LIG3: variants seen among roughly 807,000 people sequenced by gnomAD.
The protein encoded by LIG3 is ligase II, DNA, ATP-dependent.
In LIG3, 58 loss-of-function variants were observed where a neutral mutation model predicts 110.9. That is an observed-to-expected ratio of 0.52 (90% confidence interval 0.42 to 0.65). The LOEUF is 0.65. Ranked by LOEUF, LIG3 falls within the 30% of genes least tolerant of loss-of-function variation. LIG3 has a pLI of 0.00. For missense variants in LIG3, 1,094 were observed against 1,273.8 expected, an observed-to-expected ratio of 0.86 and a Z score of 2.15; for synonymous variants, 422 against 472.8, an observed-to-expected ratio of 0.89 and a Z score of 1.39.
At chr17:34,990,272 AGTTT>A (rs748584668) in intron 4 of LIG3, among the ~76,000 whole-genome samples, 71 of 152,144 alleles carry the variant, frequency 4.7e-4, no homozygotes, top group South Asian at 1.0e-3. Flanking sequence ...TGCTTCTTTG[AGTTT>A]GTTTGTTTGT....
intron 8 of LIG3, among the ~76,000 whole-genome samples, chr17:34,993,135 C>T (rs756512380): frequency 6.6e-5 from 10 of 152,102 alleles, no homozygotes; most frequent in Non-Finnish European, 1.2e-4. Flanking sequence ...GACAGGGTGA[C>T]TTGGGAAGAG....
intron 3 of LIG3, among the ~76,000 whole-genome samples, chr17:34,988,278 T>G (rs2090680903): frequency 6.6e-6 from 1 of 151,384 alleles, no homozygotes; most frequent in Non-Finnish European, 1.5e-5. Context: ...GTCCAGGTGA[T>G]GATAAGGACA....
Position 35,002,732 on chromosome 17 carries a change from TC to T in LIG3, c.2741del (p.Pro914GlnfsTer2). 1 of 1,613,030 alleles carries T rather than the reference TC, an allele frequency of 6.2e-7. No homozygotes were observed. Among genetic ancestry groups the T allele is most frequent in the Non-Finnish European group, 8.5e-7 (1 of 1,179,546 alleles). On this transcript the variant is annotated frameshift_variant, in exon 19 of 20. Transcript: ENST00000378526. LOFTEE classifies it high-confidence loss of function. ...GGGAGAAGCTGGCCACAAAGTCTTC[TC>T]CAGTGAAAGTAGGGGAGAAGCGGAA... is the stretch of plus-strand genomic sequence containing the variant. ...VGEKLATKSS[P>X]VKVGEKRKAA... is the part of the protein sequence containing the mutation.
At chr17:34,998,156 C>T (rs746487425) in intron 12 of LIG3, 63 bp from the exon 13 acceptor site, 2 of 1,249,484 alleles carry the variant, frequency 1.6e-6, no homozygotes, top group Admixed American at 1.9e-5. Context: ...AAAGGAACAA[C>T]CCCCACTCAC....
rs1946613516 is a variant in LIG3 at position 35,008,485 on chromosome 17, G to C, written c.*3979G>C. The C allele has an allele frequency of 6.6e-6, 1 of 151,640 alleles. No individual in the cohort carries two copies. The highest frequency in any genetic ancestry group is 1.5e-5 in the Non-Finnish European group (1 of 67,916). The allele number at this position is 151,640 out of a possible 1,614,324, so 9.4% of individuals were successfully genotyped here. ...GTCTCACTCTGTCACCCTGGCTGGAGTGCGGTGGCGATCAGAGCTCACTGC... is the reference window on the plus strand; with the variant it reads ...GTCTCACTCTGTCACCCTGGCTGGACTGCGGTGGCGATCAGAGCTCACTGC... On this transcript the variant is annotated 3_prime_UTR_variant, in exon 20 of 20. Coordinates refer to ENST00000378526, the MANE Select transcript of LIG3 (RefSeq NM_013975.4).
At chr17:34,996,729 C>CT in intron 11 of LIG3, 76 bp downstream of exon 11, 2 of 1,295,392 alleles carry the variant, frequency 1.5e-6, no homozygotes, top group East Asian at 4.6e-5. Context: ...AAGATGGGGG[C>CT]TTCAGGTTGG....
intron 2 of LIG3, among the ~76,000 whole-genome samples, chr17:34,984,533 C>T (rs1285870814): frequency 6.6e-6 from 1 of 152,108 alleles, no homozygotes; most frequent in African/African-American, 2.4e-5. Context: ...TGTATCCTTC[C>T]CCAGCCCTGA....
At chr17:35,004,086 G>A (rs931376775) in intron 19 of LIG3, 187 bp from the exon 20 acceptor site, 13 of 586,534 alleles carry the variant, frequency 2.2e-5, no homozygotes, top group Non-Finnish European at 3.4e-5. Flanking sequence ...GGGATGGAGG[G>A]GCGTGTCAGT....
chr17:34,996,446 GC>G lies in LIG3; in HGVS notation c.1744-127del. The G allele has an allele frequency of 5.8e-6, 5 of 854,924 alleles. No homozygotes were observed. In the Middle Eastern group the frequency reaches 9.5e-4, roughly 163 times the overall value. The allele number at this position is 854,924 out of a possible 1,614,324, so 53.0% of individuals were successfully genotyped here. On this transcript the variant is annotated intron_variant, in intron 10 of 19. Coordinates refer to ENST00000378526, the MANE Select transcript of LIG3 (RefSeq NM_013975.4). ...TGCTCAGTGCCCTTATGGCCCAGGGGCTTCAGAGCAGAAATAGTACTTTTTC... is the reference window on the plus strand; with the variant it reads ...TGCTCAGTGCCCTTATGGCCCAGGGGTTCAGAGCAGAAATAGTACTTTTTC...
intron 19 of LIG3, 199 bp downstream of exon 19, chr17:35,002,988 C>CTTGCAGAGG (rs1396089038): frequency 6.2e-7 from 1 of 1,614,162 alleles, no homozygotes; most frequent in Non-Finnish European, 8.5e-7. Context: ...CTCTTGTTGC[C>CTTGCAGAGG]TTGCAGAGGC....
rs1222403265 is a variant in LIG3 at position 35,007,810 on chromosome 17, C to T, written c.*3304C>T. On this transcript the variant is annotated 3_prime_UTR_variant, in exon 20 of 20. Transcript: ENST00000378526. Reference sequence around the variant, plus strand: ...GCAGTGGTGCAATCTCAGCTCACTGCAACCTCTGCTTCCCGGGTTCACAAG... The same window carrying T: ...GCAGTGGTGCAATCTCAGCTCACTGTAACCTCTGCTTCCCGGGTTCACAAG... 2 of 151,898 alleles carry T rather than the reference C, an allele frequency of 1.3e-5. No homozygotes were observed. Among genetic ancestry groups the T allele is most frequent in the Admixed American group, 1.3e-4 (2 of 15,230 alleles). The allele number at this position is 151,898 out of a possible 1,614,324, so 9.4% of individuals were successfully genotyped here.
In LIG3 at chr17:34,983,060, A is replaced by G. The variant is rs1182851120; in HGVS notation, c.55A>G (p.Lys19Glu). The change falls in exon 2 of 20, where the codon AAA (lysine) becomes GAA (glutamate). Residue 19 changes from lysine to glutamate, a missense_variant. Transcript: ENST00000378526. ...ACAAACCCTCCGTGCACTCAGCCGA[A>G]AAGAACTGTGCCTATTCCGAAAACA... ...FPQTLRALSRKELCLFRKHHW... is the reference protein window; with the variant it reads ...FPQTLRALSREELCLFRKHHW... 2 of 1,613,008 alleles carry G rather than the reference A, an allele frequency of 1.2e-6. No homozygotes were observed. The highest frequency in any genetic ancestry group is 1.7e-6 in the Non-Finnish European group (2 of 1,179,412).
chr17:34,998,496 C>A, intron 13 of LIG3, 108 bp from the exon 14 acceptor site: 2 of 1,415,914 alleles, frequency 1.4e-6, no homozygotes, highest in Non-Finnish European at 2.0e-6. Flanking sequence ...GGGCTCTTAC[C>A]CTGAGGGAGG....
At chr17:34,995,786 C>G (rs1452247508) in intron 9 of LIG3, among the ~76,000 whole-genome samples, 2 of 152,254 alleles carry the variant, frequency 1.3e-5, no homozygotes. Context: ...TAATCTGTTT[C>G]TTCCATTTTC....
Position 35,002,690 on chromosome 17 carries a change from T to A in LIG3, c.2697T>A (p.Pro899=). 6.2e-7 allele frequency: 1 copy of A among 1,613,628 alleles called. No homozygotes were observed. Among genetic ancestry groups the A allele is most frequent in the Non-Finnish European group, 8.5e-7 (1 of 1,179,862 alleles). ...SKDGNMQTAK[P]SAMKVGEKLA... is the part of the protein sequence containing the mutation. Reference sequence around the variant, plus strand: ...CAGGCAACATGCAGACTGCAAAGCCTTCCGCTATGAAGGTGGGGGAGAAGC... The same window carrying A: ...CAGGCAACATGCAGACTGCAAAGCCATCCGCTATGAAGGTGGGGGAGAAGC... Residue 899 remains proline (P), a synonymous_variant, in exon 19 of 20, where the codon CCT becomes CCA. Coordinates refer to ENST00000378526, the MANE Select transcript of LIG3 (RefSeq NM_013975.4).
chr17:34,989,185 T>A (rs1273218539), intron 3 of LIG3, among the ~76,000 whole-genome samples: 1 of 152,120 alleles, frequency 6.6e-6, no homozygotes, highest in Non-Finnish European at 1.5e-5. Flanking sequence ...TATTCTTCAG[T>A]AAAGTGCTCA....
intron 9 of LIG3, among the ~76,000 whole-genome samples, chr17:34,994,941 T>A (rs1220141124): frequency 6.6e-6 from 1 of 152,200 alleles, no homozygotes; most frequent in Non-Finnish European, 1.5e-5. Flanking sequence ...CACAGTCTTA[T>A]GGGGACATCT....
rs570019645 is a variant in LIG3, at chr17:34,996,579, A to T, written c.1749A>T (p.Ala583=). 2 of 1,613,746 alleles carry T rather than the reference A, an allele frequency of 1.2e-6. No homozygotes were observed. Among genetic ancestry groups the T allele is most frequent in the East Asian group, 4.5e-5 (2 of 44,878 alleles). The change falls in exon 11 of 20, where the codon GCA becomes GCT. Residue 583 remains alanine (A), a synonymous_variant. Transcript: ENST00000378526. Reference sequence around the variant, plus strand: ...TACCTCATTTTCCCTTACAGAAAGCAGCCTTCCAGGATGCTAATGTCTGCC... The same window carrying T: ...TACCTCATTTTCCCTTACAGAAAGCTGCCTTCCAGGATGCTAATGTCTGCC... The part of the protein sequence containing the change: ...PFGTLGVHKK[A]AFQDANVCLF...
At chr17:35,001,161 C>T in intron 16 of LIG3, 96 bp from the exon 17 acceptor site, 1 of 1,322,428 alleles carries the variant, frequency 7.6e-7, no homozygotes, top group Non-Finnish European at 1.1e-6. Context: ...CCACCTCAGC[C>T]TTCCTAAGTG....
Sources: gnomAD v4.1 joint callset for allele counts (sites outside exome capture counted in the v4.1 genomes callset) on GRCh38, gnomAD v4.1.1 for gene constraint, MANE v1.5 for transcripts, NCBI Gene and HGNC (gene_info 2026-07-23, HGNC 2026-07-21) for gene names.